Variants in FANK1 observed in about 807,000 individuals in gnomAD.
The protein encoded by FANK1 is fibronectin type 3 and ankyrin repeat domains protein 1.
Under a neutral mutation model 45.3 loss-of-function variants are expected in FANK1, and 44 were observed. That is an observed-to-expected ratio of 0.97 (90% CI 0.76 to 1.25). The LOEUF (loss-of-function observed/expected upper bound fraction) is 1.25, where lower values mean the gene tolerates loss of function less well. FANK1 is among the 50% of genes most tolerant of loss of function. FANK1 has a pLI of 0.00. For synonymous variants in FANK1, 149 were observed against 152.5 expected, an observed-to-expected ratio of 0.98 and a Z score of 0.17; for missense variants, 391 against 424.4, an observed-to-expected ratio of 0.92 and a Z score of 0.69.
intron 2 of FANK1, among the ~76,000 whole-genome samples, chr10:125,985,537 T>C (rs1292458092): frequency 2.0e-5 from 3 of 152,384 alleles, no homozygotes; most frequent in South Asian, 2.1e-4. Context: ...TTAACACTTA[T>C]CTACTTCTCG....
chr10:125,897,564 C>T (rs552239593), intron 1 of FANK1, among the ~76,000 whole-genome samples: 93 of 152,408 alleles, frequency 6.1e-4, no homozygotes, highest in Middle Eastern at 3.4e-3. Flanking sequence ...CAAATCTATT[C>T]TCTGGGGAAA....
intron 3 of FANK1, among the ~76,000 whole-genome samples, chr10:125,990,737 C>T (rs1421834787): frequency 1.3e-5 from 2 of 152,112 alleles, no homozygotes; most frequent in African/African-American, 4.8e-5. Flanking sequence ...TTAGTGTGTT[C>T]TCACACTGCT....
intron 1 of FANK1, among the ~76,000 whole-genome samples, chr10:125,931,354 T>A (rs941221872): frequency 2.6e-5 from 4 of 152,222 alleles, no homozygotes; most frequent in Non-Finnish European, 5.9e-5. Flanking sequence ...GTGTTTCCTG[T>A]TCACTGCACC....
At chr10:125,984,231 A>G (rs61640654) in intron 2 of FANK1, among the ~76,000 whole-genome samples, 2,532 of 152,268 alleles carry the variant, frequency 0.017, 75 homozygotes, top group African/African-American at 0.055. Flanking sequence ...TCCTCCTGCC[A>G]CAGCCCAGGC....
intron 6 of FANK1, among the ~76,000 whole-genome samples, chr10:126,000,752 C>T (rs1310112166): frequency 6.6e-6 from 1 of 151,834 alleles, no homozygotes; most frequent in East Asian, 1.9e-4. Flanking sequence ...AAGGACATTC[C>T]AGGGAAATAT....
At chr10:125,897,090 AT>A (rs1417693932) in intron 1 of FANK1, among the ~76,000 whole-genome samples, 1 of 152,158 alleles carries the variant, frequency 6.6e-6, no homozygotes, top group African/African-American at 2.4e-5. Flanking sequence ...TGGGTCTTGT[AT>A]TTATTAGAGA....
chr10:125,937,302 T>G (rs569240544), intron 1 of FANK1, among the ~76,000 whole-genome samples: 2 of 152,206 alleles, frequency 1.3e-5, no homozygotes, highest in Non-Finnish European at 2.9e-5. Context: ...GTATGAGAGA[T>G]CTCACTGTTC....
intron 1 of FANK1, among the ~76,000 whole-genome samples, chr10:125,903,463 T>G (rs1170171500): frequency 4.6e-5 from 7 of 152,212 alleles, no homozygotes; most frequent in Admixed American, 2.6e-4. Context: ...TTCCTGGTTG[T>G]TAGAAACTCT....
At position 125,988,590 on chromosome 10, in the gene FANK1, A is replaced by G. The variant is rs1564949634; in HGVS notation, c.231A>G (p.Pro77=). The G allele has an allele frequency of 6.2e-7, 1 of 1,614,212 alleles. No homozygotes were observed. The highest frequency in any genetic ancestry group is 8.5e-7 in the Non-Finnish European group (1 of 1,180,034). ...AGCATGTTGTTGAAGGTCTGGAACC[A>G]AGGACGCTGTACAGATTTCGCCTGA... ...ATKHVVEGLE[P]RTLYRFRLKV... The change falls in exon 3 of 11, where the codon CCA becomes CCG. Residue 77 remains proline (P), a synonymous_variant. Transcript: ENST00000368693.
chr10:125,995,541 A>C (rs954827421), intron 4 of FANK1, 43 bp downstream of exon 4: 3 of 1,567,568 alleles, frequency 1.9e-6, no homozygotes, highest in Non-Finnish European at 1.8e-6. Flanking sequence ...CCATGCCTAT[A>C]AAGTGCATAG....
At chr10:125,941,012 C>G (rs1259331678) in intron 1 of FANK1, among the ~76,000 whole-genome samples, 1 of 152,186 alleles carries the variant, frequency 6.6e-6, no homozygotes, top group Non-Finnish European at 1.5e-5. Context: ...GATCAAAATG[C>G]AGTTTCTTAT....
At position 125,969,341 on chromosome 10, in the gene FANK1, A is replaced by G. The variant is rs138866064; in HGVS notation, c.14-10820A>G. On this transcript the variant is annotated intron_variant, in intron 1 of 10. Transcript: ENST00000368693. ...AGTTGGTTAAATTTGGATGCTGGTT[A>G]TCAGACTTAAAAAAAAAAAAAAGTA... Among the ~76,000 whole-genome samples the G allele has an allele frequency of 2.0e-5, 3 of 152,008 alleles. No homozygotes were observed. In the East Asian group the frequency reaches 5.8e-4, roughly 29 times the overall value.
At chr10:125,913,302 CATGACACCTAAACTCAG>C (rs1215398080) in intron 1 of FANK1, among the ~76,000 whole-genome samples, 5 of 150,836 alleles carry the variant, frequency 3.3e-5, no homozygotes, top group African/African-American at 1.2e-4. Context: ...ACTCATTCTG[CATGACACCTAAACTCAG>C]GTGACACCTA....
At chr10:125,959,010 T>G (rs893877849) in intron 1 of FANK1, among the ~76,000 whole-genome samples, 2 of 152,200 alleles carry the variant, frequency 1.3e-5, no homozygotes, top group Admixed American at 6.5e-5. Flanking sequence ...AAAACACTTG[T>G]GACATTAAGA....
At chr10:125,984,157 C>T (rs1189761819) in intron 2 of FANK1, among the ~76,000 whole-genome samples, 1 of 152,170 alleles carries the variant, frequency 6.6e-6, no homozygotes, top group East Asian at 1.9e-4. Context: ...TGGCTTATGG[C>T]AGCAGTGATT....
At chr10:125,920,568 T>G (rs1269361880) in intron 1 of FANK1, among the ~76,000 whole-genome samples, 1 of 152,248 alleles carries the variant, frequency 6.6e-6, no homozygotes, top group Non-Finnish European at 1.5e-5. Context: ...TGCTTCTCTG[T>G]GACTTATGGG....
chr10:125,970,624 C>T (rs925471329), intron 1 of FANK1, among the ~76,000 whole-genome samples: 1 of 152,182 alleles, frequency 6.6e-6, no homozygotes, highest in Non-Finnish European at 1.5e-5. Context: ...ACCAGCCGGG[C>T]CAACACGGCG....
At chr10:125,994,438 A>C in intron 3 of FANK1, 2 of 985,324 alleles carry the variant, frequency 2.0e-6, no homozygotes, top group Non-Finnish European at 2.4e-6. Flanking sequence ...TATAAACTCA[A>C]ACTCTTGCCG....
At chr10:125,958,262 A>C (rs1949705485) in intron 1 of FANK1, among the ~76,000 whole-genome samples, 1 of 152,114 alleles carries the variant, frequency 6.6e-6, no homozygotes, top group Non-Finnish European at 1.5e-5. Context: ...TGTGTGATCA[A>C]CATTTTTTTT....
Sources: allele counts gnomAD v4.1 joint callset (sites outside exome capture counted in the v4.1 genomes callset), GRCh38; gene constraint gnomAD v4.1.1; transcripts MANE v1.5; gene names NCBI Gene and HGNC (gene_info 2026-07-23, HGNC 2026-07-21).